RNF19A: variants seen among roughly 807,000 people sequenced by gnomAD.
RNF19A encodes E3 ubiquitin-protein ligase RNF19A.
A neutral mutation model predicts 75.7 loss-of-function variants in RNF19A; 32 were observed. The ratio of observed to expected loss-of-function variants is 0.42; its 90% CI spans 0.32 to 0.57. RNF19A has a LOEUF of 0.57. Ranked by LOEUF, RNF19A falls within the 20% of genes least tolerant of loss-of-function variation. The pLI, the probability that RNF19A is intolerant of heterozygous loss-of-function variation, is 0.10. For missense variants in RNF19A, 782 were observed against 1,036.3 expected (o/e 0.75, Z 3.37); for synonymous variants, 335 against 345.2 (o/e 0.97, Z 0.33).
chr8:100,320,146 A>G (rs1822444752), intron 1 of RNF19A, among the ~76,000 whole-genome samples: 1 of 152,238 alleles, frequency 6.6e-6, no homozygotes, highest in Non-Finnish European at 1.5e-5. Flanking sequence ...TATCTGGTTC[A>G]CATTTTTATA....
In RNF19A at chr8:100,258,896, C is replaced by T; in HGVS notation, c.2177G>A (p.Ser726Asn). The T allele has an allele frequency of 6.2e-7, 1 of 1,614,162 alleles. No individual in the cohort carries two copies. The highest frequency in any genetic ancestry group is 2.2e-5 in the East Asian group (1 of 44,876). The change falls in exon 10 of 10, where the codon AGT (serine) becomes AAT (asparagine). Residue 726 changes from serine (S) to asparagine (N), a missense_variant. By Grantham distance (46) the Ser-to-Asn change is conservative. Coordinates refer to ENST00000341084, the MANE Select transcript of RNF19A (RefSeq NM_183419.4). This position sits in a 1 kb window ranked among gnomAD's most constrained non-coding sequence, Gnocchi z 4.3. ...SMPSVADSHSSHFSEFSCSDL... is the reference protein window; with the variant it reads ...SMPSVADSHSNHFSEFSCSDL... Reference sequence around the variant, plus strand: ...AGAACAACTAAATTCAGAAAAATGACTAGAGTGAGAATCTGCTACAGAAGG... The same window carrying T: ...AGAACAACTAAATTCAGAAAAATGATTAGAGTGAGAATCTGCTACAGAAGG...
At chr8:100,296,634 C>T (rs536070028) in intron 1 of RNF19A, among the ~76,000 whole-genome samples, 2 of 152,314 alleles carry the variant, frequency 1.3e-5, no homozygotes, top group Non-Finnish European at 2.9e-5. Flanking sequence ...GCTTTCAACA[C>T]ATTCTCCAAG....
rs1176140039 is a variant in RNF19A at position 100,275,975 on chromosome 8, G to GTTTT, written c.675-818_675-815dup. 6.7e-6 allele frequency among the ~76,000 whole-genome samples: 1 copy of GTTTT among 149,820 alleles called. No individual in the cohort carries two copies. On this transcript the variant is annotated intron_variant, in intron 2 of 9. Transcript: ENST00000341084. This position sits in a 1 kb window ranked among gnomAD's most constrained non-coding sequence, Gnocchi z 4.3. Reference sequence around the variant, plus strand: ...TCCTGCCAAAAAATAAAAAAAAACTGTTTTTTTTTCCTTCGGATTAAAGAC... The same window carrying GTTTT: ...TCCTGCCAAAAAATAAAAAAAAACTGTTTTTTTTTTTTTCCTTCGGATTAAAGAC...
intron 1 of RNF19A, among the ~76,000 whole-genome samples, chr8:100,308,626 C>T (rs1280076580): frequency 1.3e-5 from 2 of 151,370 alleles, no homozygotes; most frequent in Non-Finnish European, 2.9e-5. Flanking sequence ...ACAACCAAAA[C>T]TCAATGAATC....
intron 2 of RNF19A, among the ~76,000 whole-genome samples, chr8:100,280,067 C>T (rs1820711691): frequency 6.6e-6 from 1 of 152,152 alleles, no homozygotes; most frequent in Non-Finnish European, 1.5e-5. Flanking sequence ...CATAATTCCT[C>T]CACTTTGATA....
Position 100,264,797 on chromosome 8 carries a change from A to T in RNF19A, c.1192-12T>A, listed in dbSNP as rs1442691777. 1 of 1,563,086 alleles carries T rather than the reference A, an allele frequency of 6.4e-7. No homozygotes were observed. Among genetic ancestry groups the T allele is most frequent in the Non-Finnish European group, 8.8e-7 (1 of 1,133,710 alleles). On this transcript the variant is annotated splice_polypyrimidine_tract_variant and intron_variant, in intron 5 of 9. Coordinates refer to ENST00000341084, the MANE Select transcript of RNF19A (RefSeq NM_183419.4). The surrounding 1 kb of genome is among the most constrained non-coding windows in gnomAD (Gnocchi z 4.7). ...TAGCGATTGTGAATCTTGAATTAAT[A>T]AAAATAGGGGTGGGGGATTAAAGAG...
At chr8:100,321,150 TC>T (rs1034504246) in intron 1 of RNF19A, among the ~76,000 whole-genome samples, 8 of 152,228 alleles carry the variant, frequency 5.3e-5, no homozygotes, top group Admixed American at 1.3e-4. Flanking sequence ...AATTGACTCT[TC>T]CTTCCACAAA....
rs917436672 is a variant in RNF19A at position 100,323,855 on chromosome 8, A to G, written c.-242-10483T>C. ...TCAATAAACATCACAAGTTGTTTGT[A>G]AAATGACTGTGCCAAACCAACATTC... On this transcript the variant is annotated intron_variant, in intron 1 of 3. Coordinates refer to the RNF19A transcript ENST00000519527. The surrounding 1 kb of genome is among the most constrained non-coding windows in gnomAD (Gnocchi z 4.6). 1.3e-5 allele frequency among the ~76,000 whole-genome samples: 2 copies of G among 152,222 alleles called. No individual in the cohort carries two copies. The highest frequency in any genetic ancestry group is 1.3e-4 in the Admixed American group (2 of 15,282).
chr8:100,311,032 G>C (rs936269915), upstream of RNF19A, among the ~76,000 whole-genome samples: 2 of 152,196 alleles, frequency 1.3e-5, no homozygotes, highest in Admixed American at 1.3e-4. Context: ...TGTGATAGAG[G>C]CTGGACAGAA....
rs1250693292 is a variant in RNF19A, at chr8:100,333,633, A to G, written c.-243+2475T>C. On this transcript the variant is annotated intron_variant, in intron 1 of 3. Coordinates refer to the RNF19A transcript ENST00000519527. This position sits in a 1 kb window ranked among gnomAD's most constrained non-coding sequence, Gnocchi z 4.7. ...CTTTTCTGTGTGTTGCCTGGGCAAC[A>G]TAGCAAGAGCCCATCTCTAAAAATT... 1.3e-5 allele frequency among the ~76,000 whole-genome samples: 2 copies of G among 152,222 alleles called. No homozygotes were observed. Among genetic ancestry groups the G allele is most frequent in the African/African-American group, 4.8e-5 (2 of 41,454 alleles).
chr8:100,276,347 G>C (rs372957685), intron 2 of RNF19A, among the ~76,000 whole-genome samples: 2 of 152,158 alleles, frequency 1.3e-5, no homozygotes, highest in Non-Finnish European at 2.9e-5. Context: ...GTTACATACT[G>C]TATGATTCCA....
In RNF19A at chr8:100,284,748, GATT is replaced by G. The variant is rs1352759089; in HGVS notation, c.674+2750_674+2752del. ...AAAATATCCCAAAGTATGAGTTTCTGATTATTTTTATTAAGAAATATCACATAT... is the reference window on the plus strand; with the variant it reads ...AAAATATCCCAAAGTATGAGTTTCTGATTTTTATTAAGAAATATCACATAT... On this transcript the variant is annotated intron_variant, in intron 2 of 9. Coordinates refer to ENST00000341084, the MANE Select transcript of RNF19A (RefSeq NM_183419.4). This position sits in a 1 kb window ranked among gnomAD's most constrained non-coding sequence, Gnocchi z 4.3. 6.6e-6 allele frequency among the ~76,000 whole-genome samples: 1 copy of G among 151,970 alleles called. No individual in the cohort carries two copies. The highest frequency in any genetic ancestry group is 1.5e-5 in the Non-Finnish European group (1 of 67,922).
chr8:100,319,593 A>C (rs1822435384), intron 1 of RNF19A, among the ~76,000 whole-genome samples: 1 of 147,848 alleles, frequency 6.8e-6, no homozygotes, highest in African/African-American at 2.5e-5. Context: ...GTAATGGCAC[A>C]ATCTCGGCTC....
At chr8:100,301,763 A>G (rs1187828277) in intron 1 of RNF19A, among the ~76,000 whole-genome samples, 1 of 152,226 alleles carries the variant, frequency 6.6e-6, no homozygotes, top group Non-Finnish European at 1.5e-5. Context: ...TAAATATTTT[A>G]ATATTATTCT....
chr8:100,332,502 A>G lies in RNF19A; in HGVS notation c.-243+3606T>C, dbSNP rs745625992. On this transcript the variant is annotated intron_variant, in intron 1 of 3. Transcript: ENST00000519527. This position sits in a 1 kb window ranked among gnomAD's most constrained non-coding sequence, Gnocchi z 4.8. ...ATTAAATCTCTTTCCTTTATAAATT[A>G]CTCAGTTTCAGGGAAGTTCTTTATA... 6.6e-6 allele frequency among the ~76,000 whole-genome samples: 1 copy of G among 152,146 alleles called. No individual in the cohort carries two copies. The highest frequency in any genetic ancestry group is 1.5e-5 in the Non-Finnish European group (1 of 68,028).
At position 100,323,003 on chromosome 8, in the gene RNF19A, T is replaced by C. The variant is rs1337119066; in HGVS notation, c.-242-9631A>G. On this transcript the variant is annotated intron_variant, in intron 1 of 3. Transcript: ENST00000519527. This position sits in a 1 kb window ranked among gnomAD's most constrained non-coding sequence, Gnocchi z 4.6. ...TGAAATATTGTGAGAACTACCAAAA[T>C]ACGACACAGAGGCATGAAATGAGCA... Among the ~76,000 whole-genome samples the C allele has an allele frequency of 2.6e-5, 4 of 152,024 alleles. No homozygotes were observed. Among genetic ancestry groups the C allele is most frequent in the Non-Finnish European group, 5.9e-5 (4 of 68,010 alleles).
intron 2 of RNF19A, among the ~76,000 whole-genome samples, chr8:100,279,979 A>T (rs2129801034): frequency 6.6e-6 from 1 of 152,088 alleles, no homozygotes; most frequent in Non-Finnish European, 1.5e-5. Flanking sequence ...ATTTCTTTTA[A>T]TTTTTCATAA....
Position 100,260,007 on chromosome 8 carries a change from G to A in RNF19A, c.1683-10C>T. On this transcript the variant is annotated splice_polypyrimidine_tract_variant and intron_variant, in intron 8 of 9. Coordinates refer to ENST00000341084, the MANE Select transcript of RNF19A (RefSeq NM_183419.4). The surrounding 1 kb of genome is among the most constrained non-coding windows in gnomAD (Gnocchi z 4.1). The stretch of plus-strand genomic sequence containing the variant: ...TGCTTGTACTTCCAACCTTAAAGGG[G>A]GGTATGAAATCACCAAAATTATATT... The A allele has an allele frequency of 6.2e-7, 1 of 1,611,986 alleles. No homozygotes were observed.
chr8:100,266,974 T>C (rs936693085), intron 5 of RNF19A, among the ~76,000 whole-genome samples: 4 of 152,208 alleles, frequency 2.6e-5, no homozygotes, highest in African/African-American at 9.7e-5. Context: ...ATTCAGCTGT[T>C]TTACAGAAGA....
Sources: allele counts gnomAD v4.1 joint callset (sites outside exome capture counted in the v4.1 genomes callset), GRCh38; gene constraint gnomAD v4.1.1; non-coding constraint Gnocchi (gnomAD v3.1); transcripts MANE v1.5; gene names NCBI Gene and HGNC (gene_info 2026-07-23, HGNC 2026-07-21).